The following EXOC4 variants were observed in gnomAD, a reference collection of about 807,000 sequenced individuals.
EXOC4 encodes exocyst complex component 4.
Under a neutral mutation model 107.2 loss-of-function variants are expected in EXOC4, and 71 were observed. The ratio of observed to expected loss-of-function variants is 0.66; its 90% confidence interval spans 0.55 to 0.81. The LOEUF is 0.81. EXOC4 is among the 30% of genes least tolerant of loss of function. The pLI, the probability that EXOC4 is intolerant of heterozygous loss-of-function variation, is 0.00. For synonymous variants in EXOC4, 456 were observed against 441.2 expected (o/e 1.03, Z -0.42); for missense variants, 1,108 against 1,189.6 (o/e 0.93, Z 1.01).
intron 3 of EXOC4, among the ~76,000 whole-genome samples, chr7:133,301,916 G>A (rs1379070662): frequency 6.6e-6 from 1 of 152,138 alleles, no homozygotes; most frequent in Non-Finnish European, 1.5e-5. Context: ...TACATGATAA[G>A]CGTGATTAAG....
intron 10 of EXOC4, among the ~76,000 whole-genome samples, chr7:133,797,354 C>T (rs576610024): frequency 6.7e-6 from 1 of 150,258 alleles, no homozygotes; most frequent in South Asian, 2.2e-4. Context: ...GATGATAATT[C>T]AAAAAAAAAT....
intron 5 of EXOC4, among the ~76,000 whole-genome samples, chr7:133,345,911 G>A (rs1038879311): frequency 6.6e-6 from 1 of 152,154 alleles, no homozygotes; most frequent in Non-Finnish European, 1.5e-5. Context: ...GGGGTGCTTA[G>A]TTAACATTTT....
At chr7:133,819,513 A>G (rs980562030) in intron 11 of EXOC4, among the ~76,000 whole-genome samples, 2 of 152,062 alleles carry the variant, frequency 1.3e-5, no homozygotes, top group African/African-American at 2.4e-5. Flanking sequence ...GCATGGATGG[A>G]TGGATGGATG....
chr7:134,022,110 ATAAAG>A (rs72126395), intron 17 of EXOC4, among the ~76,000 whole-genome samples: 2,210 of 152,384 alleles, frequency 0.015, 64 homozygotes, highest in African/African-American at 0.051. Context: ...TGTGAAAAAC[ATAAAG>A]TAATTACTTG....
At chr7:133,305,764 A>T (rs1247060269) in intron 3 of EXOC4, 113 bp from the exon 4 acceptor site, 2 of 812,706 alleles carry the variant, frequency 2.5e-6, no homozygotes, top group Non-Finnish European at 3.5e-6. Context: ...ATATGCTGAT[A>T]AAGTTCTCGT....
intron 12 of EXOC4, among the ~76,000 whole-genome samples, chr7:133,913,368 A>G (rs1345857397): frequency 6.6e-6 from 1 of 152,246 alleles, no homozygotes; most frequent in Non-Finnish European, 1.5e-5. Flanking sequence ...AAAATGACTC[A>G]TCTGACTGAT....
At chr7:133,635,469 G>T (rs1279218101) in intron 10 of EXOC4, among the ~76,000 whole-genome samples, 1 of 152,150 alleles carries the variant, frequency 6.6e-6, no homozygotes, top group Non-Finnish European at 1.5e-5. Flanking sequence ...GCAAACACAG[G>T]TGAGAACACA....
At chr7:134,047,248 G>T (rs1394958395) in intron 17 of EXOC4, among the ~76,000 whole-genome samples, 1 of 152,070 alleles carries the variant, frequency 6.6e-6, no homozygotes, top group South Asian at 2.1e-4. Flanking sequence ...TTTCTGAGAG[G>T]TTTTTTCAAA....
At chr7:133,695,974 A>G (rs1309313445) in intron 10 of EXOC4, among the ~76,000 whole-genome samples, 5 of 152,222 alleles carry the variant, frequency 3.3e-5, no homozygotes, top group African/African-American at 1.2e-4. Context: ...TATGGTTCAA[A>G]TGTTTTTCAT....
chr7:134,021,470 A>G (rs542996389), intron 17 of EXOC4, among the ~76,000 whole-genome samples: 2 of 152,314 alleles, frequency 1.3e-5, no homozygotes, highest in South Asian at 2.1e-4. Flanking sequence ...ACTCAAAAAC[A>G]TAAATGTCAC....
chr7:134,058,387 T>A (rs1795979078), intron 17 of EXOC4, among the ~76,000 whole-genome samples: 1 of 152,090 alleles, frequency 6.6e-6, no homozygotes, highest in Admixed American at 6.6e-5. Flanking sequence ...CCCAAAAAAG[T>A]ACTGAATCAG....
chr7:134,083,371 C>T, the EXOC4 span, among the ~76,000 whole-genome samples: 2 of 152,202 alleles, frequency 1.3e-5, no homozygotes, highest in Non-Finnish European at 2.9e-5. Flanking sequence ...CAACTGGCTC[C>T]CTGTTCTGGT....
At chr7:133,334,274 C>G (rs1205082177) in intron 5 of EXOC4, among the ~76,000 whole-genome samples, 1 of 152,182 alleles carries the variant, frequency 6.6e-6, no homozygotes, top group Non-Finnish European at 1.5e-5. Flanking sequence ...CCGTCTATCC[C>G]TATAGGTCAT....
intron 9 of EXOC4, among the ~76,000 whole-genome samples, chr7:133,573,082 A>G (rs1801057895): frequency 1.3e-5 from 2 of 152,206 alleles, no homozygotes; most frequent in South Asian, 4.1e-4. Context: ...AAAACAAACA[A>G]ATAAAAGGAT....
intron 6 of EXOC4, among the ~76,000 whole-genome samples, chr7:133,359,998 A>G (rs189552913): frequency 8.5e-5 from 13 of 152,304 alleles, no homozygotes; most frequent in Admixed American, 5.9e-4. Context: ...TTCAACCACA[A>G]TTATTGCCAA....
chr7:133,656,366 G>A (rs1034760755), intron 10 of EXOC4, among the ~76,000 whole-genome samples: 9 of 106,910 alleles, frequency 8.4e-5, no homozygotes, highest in Non-Finnish European at 1.7e-4. Flanking sequence ...ATCTTATAAA[G>A]CATCCACAGT....
chr7:133,346,347 G>A (rs1238339421), intron 5 of EXOC4, among the ~76,000 whole-genome samples: 1 of 151,986 alleles, frequency 6.6e-6, no homozygotes, highest in Non-Finnish European at 1.5e-5. Flanking sequence ...TCCATCCAGC[G>A]CTCATTGGAA....
intron 7 of EXOC4, among the ~76,000 whole-genome samples, chr7:133,435,306 A>G (rs1797944052): frequency 6.6e-6 from 1 of 151,960 alleles, no homozygotes; most frequent in Non-Finnish European, 1.5e-5. Flanking sequence ...AAAAAATCAT[A>G]CTTGTTCACT....
rs1272253457 is a variant in EXOC4 at position 133,380,042 on chromosome 7, G to A, written c.1182+5040G>A. Among the ~76,000 whole-genome samples the A allele has an allele frequency of 2.0e-5, 3 of 151,202 alleles. No homozygotes were observed. The East Asian group carries it at 5.8e-4, about 29-fold the overall frequency. On this transcript the variant is annotated intron_variant, in intron 7 of 17. Transcript: ENST00000253861. ...CTCATAGGTGGGAATTGAACAATGA[G>A]AACACTTGTTCACAGGAAGGGGAAC...
Sources: gnomAD v4.1 joint callset for allele counts (sites outside exome capture counted in the v4.1 genomes callset) on GRCh38, gnomAD v4.1.1 for gene constraint, MANE v1.5 for transcripts, NCBI Gene and HGNC (gene_info 2026-07-23, HGNC 2026-07-21) for gene names.